REDIC1: variants seen among roughly 807,000 people sequenced by gnomAD.
REDIC1 encodes HEI10 Interacting Protein 1.
At chr12:39,714,662 CTAG>C in the REDIC1 span, among the ~76,000 whole-genome samples, 1 of 151,766 alleles carries the variant, frequency 6.6e-6, no homozygotes, top group East Asian at 1.9e-4. Context: ...AGTGGCTGTA[CTAG>C]TTTACATTCC....
the REDIC1 span, among the ~76,000 whole-genome samples, chr12:39,887,469 TA>T: frequency 6.6e-6 from 1 of 151,976 alleles, no homozygotes; most frequent in Non-Finnish European, 1.5e-5. Context: ...CAGTGGAATG[TA>T]AAAAAGGGAC....
chr12:39,665,486 T>C, the REDIC1 span, among the ~76,000 whole-genome samples: 14 of 150,514 alleles, frequency 9.3e-5, 1 homozygote, highest in South Asian at 8.5e-4. Flanking sequence ...CCTTGTAGTA[T>C]AGTTTGAAGT....
chr12:39,836,170 C>G, the REDIC1 span, among the ~76,000 whole-genome samples: 1 of 152,014 alleles, frequency 6.6e-6, no homozygotes, highest in South Asian at 2.1e-4. Flanking sequence ...ATAAGTGTGC[C>G]TGGAATTCAG....
the REDIC1 span, among the ~76,000 whole-genome samples, chr12:39,697,773 AAAGT>A: frequency 9.8e-5 from 15 of 152,310 alleles, 1 homozygote; most frequent in African/African-American, 3.4e-4. Context: ...CAAAAAATAA[AAAGT>A]AAGAAAATAA....
At chr12:39,686,451 C>T in the REDIC1 span, among the ~76,000 whole-genome samples, 1 of 152,162 alleles carries the variant, frequency 6.6e-6, no homozygotes, top group Admixed American at 6.5e-5. Flanking sequence ...GTACATGGGC[C>T]CCTTTGAGCC....
the REDIC1 span, among the ~76,000 whole-genome samples, chr12:39,672,159 T>C: frequency 6.6e-6 from 1 of 152,130 alleles, no homozygotes. Context: ...GGGTGGCTGA[T>C]GGGGCAAGAG....
At chr12:39,747,381 G>A in the REDIC1 span, among the ~76,000 whole-genome samples, 1 of 152,250 alleles carries the variant, frequency 6.6e-6, no homozygotes, top group South Asian at 2.1e-4. Context: ...AGAGAAAAAA[G>A]AGTAAAAAGA....
the REDIC1 span, among the ~76,000 whole-genome samples, chr12:39,661,363 A>C: frequency 6.6e-6 from 1 of 151,940 alleles, no homozygotes; most frequent in Non-Finnish European, 1.5e-5. Context: ...AAATAAGATG[A>C]TACCTTATCG....
chr12:39,689,423 A>C, the REDIC1 span, among the ~76,000 whole-genome samples: 3 of 152,208 alleles, frequency 2.0e-5, no homozygotes, highest in Non-Finnish European at 4.4e-5. Flanking sequence ...AGTTTGACCC[A>C]CTGAGCTCAA....
the REDIC1 span, among the ~76,000 whole-genome samples, chr12:39,634,495 CAT>C: frequency 6.6e-6 from 1 of 152,106 alleles, no homozygotes; most frequent in Non-Finnish European, 1.5e-5. Flanking sequence ...CATCTACAAC[CAT>C]CTGATCTTTG....
the REDIC1 span, chr12:39,683,174 TTC>T: frequency 1.3e-6 from 2 of 1,516,208 alleles, no homozygotes; most frequent in East Asian, 2.3e-5. Flanking sequence ...TAATTACATA[TTC>T]TTTTTTTCTT....
the REDIC1 span, among the ~76,000 whole-genome samples, chr12:39,677,321 A>G: frequency 2.0e-5 from 3 of 152,142 alleles, no homozygotes; most frequent in African/African-American, 7.2e-5. Context: ...ACAGACTTTA[A>G]AGCAAAAACA....
chr12:39,772,403 C>T, the REDIC1 span, among the ~76,000 whole-genome samples: 3 of 152,152 alleles, frequency 2.0e-5, no homozygotes, highest in African/African-American at 7.2e-5. Flanking sequence ...GAATAATCAC[C>T]GTGCTATTTT....
chr12:39,689,085 A>T, the REDIC1 span, among the ~76,000 whole-genome samples: 2 of 152,210 alleles, frequency 1.3e-5, no homozygotes, highest in African/African-American at 4.8e-5. Context: ...ATATGGCTAG[A>T]TCTCACTAAT....
chr12:39,866,444 C>T, the REDIC1 span, among the ~76,000 whole-genome samples: 6 of 152,056 alleles, frequency 3.9e-5, no homozygotes, highest in Admixed American at 3.9e-4. Flanking sequence ...ACTCACCTTA[C>T]GGGCTTACAG....
At chr12:39,713,085 ATG>A in the REDIC1 span, among the ~76,000 whole-genome samples, 5 of 148,986 alleles carry the variant, frequency 3.4e-5, no homozygotes, top group Non-Finnish European at 7.5e-5. Flanking sequence ...GCATACGTGT[ATG>A]TGTAGATATG....
the REDIC1 span, among the ~76,000 whole-genome samples, chr12:39,669,122 A>G: frequency 1.3e-5 from 2 of 152,048 alleles, no homozygotes; most frequent in African/African-American, 2.4e-5. Context: ...AGAGTAGGAG[A>G]GACGCTCTGA....
chr12:39,733,995 G>C, the REDIC1 span, among the ~76,000 whole-genome samples: 1 of 152,190 alleles, frequency 6.6e-6, no homozygotes, highest in Admixed American at 6.5e-5. Context: ...CCCAAATAGG[G>C]TGCCACCCAG....
chr12:39,662,170 G>A, the REDIC1 span, among the ~76,000 whole-genome samples: 5 of 151,748 alleles, frequency 3.3e-5, no homozygotes, highest in Admixed American at 2.0e-4. Flanking sequence ...ATTGTTTTTC[G>A]ATGTCTGTGA....
Sources: gnomAD v4.1 joint callset for allele counts (sites outside exome capture counted in the v4.1 genomes callset) on GRCh38, gnomAD v4.1.1 for gene constraint, MANE v1.5 for transcripts, NCBI Gene and HGNC (gene_info 2026-07-23, HGNC 2026-07-21) for gene names.